The following EP400 variants were observed in gnomAD, a reference collection of about 807,000 sequenced individuals.
EP400 encodes E1A binding protein p400.
Under a neutral mutation model 354.1 loss-of-function variants are expected in EP400, and 105 were observed. The observed-to-expected ratio is 0.30, with a 90% CI of 0.25 to 0.35. The LOEUF is 0.35. Ranked by LOEUF, EP400 falls within the 10% of genes least tolerant of loss-of-function variation. The pLI is 1.00. For missense variants in EP400, 3,280 were observed against 4,121.0 expected (o/e 0.80, Z 5.59); for synonymous variants, 1,646 against 1,716.9 (o/e 0.96, Z 1.02).
intron 15 of EP400, among the ~76,000 whole-genome samples, chr12:132,009,798 G>A (rs1893702704): frequency 1.3e-5 from 2 of 151,292 alleles, no homozygotes; most frequent in South Asian, 4.2e-4. Flanking sequence ...CAAATAGCTG[G>A]GAATACAGGT....
intron 12 of EP400, among the ~76,000 whole-genome samples, chr12:131,997,656 A>G (rs1231133283): frequency 6.6e-6 from 1 of 152,100 alleles, no homozygotes; most frequent in African/African-American, 2.4e-5. Flanking sequence ...AAGAGAAAAT[A>G]CATTTACTAT....
intron 3 of EP400, among the ~76,000 whole-genome samples, chr12:131,980,831 C>T (rs1238919140): frequency 6.6e-6 from 1 of 152,106 alleles, no homozygotes; most frequent in Non-Finnish European, 1.5e-5. Flanking sequence ...GGATTATAAG[C>T]GTGAGCCACC....
rs190208180 is a variant in EP400 at position 132,052,866 on chromosome 12, C to T, written c.7395-280C>T. Among the ~76,000 whole-genome samples the T allele has an allele frequency of 1.3e-5, 2 of 152,032 alleles. No homozygotes were observed. Among genetic ancestry groups the T allele is most frequent in the South Asian group, 2.1e-4 (1 of 4,794 alleles). On this transcript the variant is annotated intron_variant, in intron 41 of 52. Transcript: ENST00000389561. The surrounding 1 kb of genome is among the most constrained non-coding windows in gnomAD (Gnocchi z 4.4). The stretch of plus-strand genomic sequence containing the variant: ...GTGCAGACACATGAGGTGGGCTGTG[C>T]GTTTGGGGGCTGCCACAAGTACGCT...
At chr12:132,032,845 G>A (rs1024486704) in intron 30 of EP400, among the ~76,000 whole-genome samples, 7 of 152,114 alleles carry the variant, frequency 4.6e-5, no homozygotes, top group East Asian at 1.9e-4. Context: ...TGGCCAGGCC[G>A]GTCTCGAACT....
intron 51 of EP400, among the ~76,000 whole-genome samples, chr12:132,073,493 G>A (rs1241609633): frequency 1.9e-5 from 2 of 107,036 alleles, no homozygotes; most frequent in South Asian, 2.6e-4. Context: ...TTGCTCCATC[G>A]CCTAGGCTGG....
chr12:131,966,613 A>T (rs902527824), intron 2 of EP400, among the ~76,000 whole-genome samples: 6 of 150,418 alleles, frequency 4.0e-5, no homozygotes, highest in Non-Finnish European at 7.4e-5. Context: ...ACTAAAAATT[A>T]AAAAATTAGG....
chr12:132,064,822 C>T lies in EP400; in HGVS notation c.8489C>T (p.Thr2830Met), dbSNP rs747669519. The T allele has an allele frequency of 5.6e-6, 9 of 1,612,520 alleles. No individual in the cohort carries two copies. Among genetic ancestry groups the T allele is most frequent in the African/African-American group, 1.3e-5 (1 of 75,066 alleles). ...CAGAGCCCCCAGCTCACGACGGTCACGGCCCCAAGGCCTGGTGCCCTGCTG... is the reference window on the plus strand; with the variant it reads ...CAGAGCCCCCAGCTCACGACGGTCATGGCCCCAAGGCCTGGTGCCCTGCTG... ...QQQSPQLTTV[T>M]APRPGALLTG... is the part of the protein sequence containing the mutation. Residue 2830 changes from threonine (T) to methionine (M), a missense_variant, in exon 48 of 53, where the codon ACG (threonine) becomes ATG (methionine). Around this residue, in one of 20 missense-constraint regions of EP400, gnomAD observed 86 missense variants for 66.4 expected, o/e 1.29. Transcript: ENST00000389561.
At chr12:131,998,397 C>G (rs891406593) in intron 12 of EP400, among the ~76,000 whole-genome samples, 2 of 152,026 alleles carry the variant, frequency 1.3e-5, no homozygotes, top group African/African-American at 4.8e-5. Context: ...TCAGCCTTTC[C>G]AGTCTATGAT....
chr12:132,035,590 G>A (rs1238131850), intron 30 of EP400, among the ~76,000 whole-genome samples: 1 of 150,426 alleles, frequency 6.6e-6, no homozygotes, highest in Non-Finnish European at 1.5e-5. Context: ...CGTCATGGAA[G>A]GGCACACCCA....
chr12:131,974,517 T>C (rs1182312445), intron 2 of EP400, among the ~76,000 whole-genome samples: 1 of 152,232 alleles, frequency 6.6e-6, no homozygotes, highest in Non-Finnish European at 1.5e-5. Context: ...ATACCATCAA[T>C]CTGTCCTTTT....
At position 132,032,054 on chromosome 12, in the gene EP400, C is replaced by A. The variant is rs528631957; in HGVS notation, c.5856C>A (p.Val1952=). The A allele has an allele frequency of 9.9e-6, 16 of 1,614,058 alleles. No individual in the cohort carries two copies. The highest frequency in any genetic ancestry group is 2.7e-5 in the African/African-American group (2 of 74,908). ...TAAACCTTGTAGAGGCGGACACCGT[C>A]GTGTTTTATGACAATGACCTGAATC... The part of the protein sequence containing the change: ...TGINLVEADT[V]VFYDNDLNPV... The change falls in exon 30 of 53, where the codon GTC becomes GTA. Residue 1952 remains valine, a synonymous_variant. Transcript: ENST00000389561.
At chr12:132,004,971 G>T (rs1431170993) in intron 12 of EP400, 106 bp from the exon 13 acceptor site, 4 of 781,130 alleles carry the variant, frequency 5.1e-6, no homozygotes, top group South Asian at 4.4e-5. Flanking sequence ...GTGAGAGGGA[G>T]CCCCTTGCCC....
chr12:131,982,596 T>C, intron 5 of EP400, 118 bp downstream of exon 5: 3 of 1,311,534 alleles, frequency 2.3e-6, no homozygotes, highest in Non-Finnish European at 3.1e-6. Flanking sequence ...AGCAGCTTGC[T>C]CCCCCAATTT....
chr12:132,071,064 G>A (rs1896052099), intron 51 of EP400, among the ~76,000 whole-genome samples: 1 of 152,218 alleles, frequency 6.6e-6, no homozygotes, highest in East Asian at 1.9e-4. Flanking sequence ...GCTGGGACCT[G>A]CAGCACAGTG....
At chr12:132,074,758 G>C (rs1896179807) in intron 51 of EP400, among the ~76,000 whole-genome samples, 1 of 152,148 alleles carries the variant, frequency 6.6e-6, no homozygotes, top group South Asian at 2.1e-4. Context: ...CTGCTTCAAA[G>C]CTTGTCTGTT....
Position 131,960,717 on chromosome 12 carries a change from A to ACCCCCCCCCCCCCCCCCC in EP400, c.101_102insCCCCCCCCCCCCCCCCCC (p.Pro36_Ser37insProProProProProPro). The stretch of plus-strand genomic sequence containing the variant: ...GGTGAGGAGCAGCCGGCCCACCCCA[A>ACCCCCCCCCCCCCCCCCC]CCCACCCCCGTCCCCCGCAGCTCCC... On this transcript the variant is annotated inframe_insertion, in exon 2 of 53. Coordinates refer to ENST00000389561, the MANE Select transcript of EP400 (RefSeq NM_015409.5). 1 of 196,114 alleles carries ACCCCCCCCCCCCCCCCCC rather than the reference A, an allele frequency of 5.1e-6. No individual in the cohort carries two copies. The highest frequency in any genetic ancestry group is 9.4e-6 in the Non-Finnish European group (1 of 105,966). The allele number at this position is 196,114 out of a possible 1,614,324, so 12.1% of individuals were successfully genotyped here. A position where few individuals can be genotyped will look rare whatever the true frequency, so the allele number is the denominator to read the frequency against.
At chr12:132,039,364 G>C (rs1021421975) in intron 32 of EP400, among the ~76,000 whole-genome samples, 1 of 152,122 alleles carries the variant, frequency 6.6e-6, no homozygotes, top group East Asian at 1.9e-4. Flanking sequence ...CATGGTGGTG[G>C]AAGGGGAGGG....
chr12:132,001,695 T>G (rs1893421236), intron 12 of EP400, among the ~76,000 whole-genome samples: 1 of 152,180 alleles, frequency 6.6e-6, no homozygotes, highest in Non-Finnish European at 1.5e-5. Context: ...GATCCTGGCG[T>G]TACCGCTAGA....
intron 2 of EP400, chr12:131,963,711 C>T (rs974564718): frequency 4.3e-5 from 53 of 1,219,314 alleles, no homozygotes; most frequent in South Asian, 8.3e-5. Flanking sequence ...TTTTAACCTT[C>T]GATATACTAC....
Sources: gnomAD v4.1 joint callset for allele counts (sites outside exome capture counted in the v4.1 genomes callset) on GRCh38, gnomAD v4.1.1 for gene constraint, gnomAD v4.1.1 regional missense constraint, Gnocchi (gnomAD v3.1) non-coding constraint, MANE v1.5 for transcripts, NCBI Gene and HGNC (gene_info 2026-07-23, HGNC 2026-07-21) for gene names.